The following LIMCH1 variants were observed in gnomAD, a reference collection of about 807,000 sequenced individuals.
LIMCH1 encodes the protein LIM and calponin homology domains 1, also known as LIM and calponin homology domains-containing protein 1.
Under a neutral mutation model 176.5 loss-of-function variants are expected in LIMCH1, and 113 were observed. The observed-to-expected ratio is 0.64, with a 90% CI of 0.55 to 0.75. The LOEUF (loss-of-function observed/expected upper bound fraction) is 0.75. Among genes scored for constraint, LIMCH1 ranks in the 30% least tolerant of loss-of-function variants. The probability of loss-of-function intolerance (pLI) is 0.00; values close to 1 mark genes in which losing one functional copy is unlikely to be tolerated. For missense variants in LIMCH1, 1,674 were observed against 1,814.9 expected (o/e 0.92, Z 1.41); for synonymous variants, 619 against 645.9 (o/e 0.96, Z 0.63).
At chr4:41,524,308 C>A in intron 2 of LIMCH1, 1 of 885,470 alleles carries the variant, frequency 1.1e-6, no homozygotes, top group Non-Finnish European at 1.9e-6. Flanking sequence ...AAATTCACTG[C>A]TTTTCCTATC....
At chr4:41,662,187 A>G (rs891164249) in intron 19 of LIMCH1, among the ~76,000 whole-genome samples, 3 of 152,206 alleles carry the variant, frequency 2.0e-5, no homozygotes, top group Non-Finnish European at 4.4e-5. Context: ...ACATTTTTAA[A>G]TAAATTAAAT....
intron 3 of LIMCH1, among the ~76,000 whole-genome samples, chr4:41,530,110 A>C (rs1017901522): frequency 6.6e-6 from 1 of 152,258 alleles, no homozygotes; most frequent in Non-Finnish European, 1.5e-5. Flanking sequence ...ACATCAGAAC[A>C]GTTGCCATTT....
At chr4:41,446,397 G>A (rs575454800) in intron 1 of LIMCH1, among the ~76,000 whole-genome samples, 2 of 152,318 alleles carry the variant, frequency 1.3e-5, no homozygotes, top group African/African-American at 4.8e-5. Context: ...AACCATTAGG[G>A]AAGGGAAAGA....
At chr4:41,451,540 C>T (rs2063883542) in intron 1 of LIMCH1, among the ~76,000 whole-genome samples, 1 of 152,204 alleles carries the variant, frequency 6.6e-6, no homozygotes, top group Admixed American at 6.5e-5. Context: ...TTTCCCACCC[C>T]CGGGACCTCT....
At chr4:41,687,268 A>T (rs994150244) in intron 28 of LIMCH1, among the ~76,000 whole-genome samples, 2 of 152,166 alleles carry the variant, frequency 1.3e-5, no homozygotes, top group Non-Finnish European at 2.9e-5. Context: ...GCTGGGGGCT[A>T]TTCTGACTTG....
At chr4:41,395,761 A>C (rs1027324734) in intron 1 of LIMCH1, among the ~76,000 whole-genome samples, 1 of 152,054 alleles carries the variant, frequency 6.6e-6, no homozygotes, top group Non-Finnish European at 1.5e-5. Flanking sequence ...AGCATCTACT[A>C]TATGTCAGGA....
At position 41,591,341 on chromosome 4, in the gene LIMCH1, A is replaced by C. The variant is rs138144353; in HGVS notation, c.-240-7579A>C. On this transcript the variant is annotated intron_variant, in intron 1 of 31. Coordinates refer to ENST00000503057, the MANE Select transcript of LIMCH1 (RefSeq NM_001330672.2). ...ACTGCAGCCTCTACCTCCTGGGCTCAGGTGATTCTCCCACCCCAGCCTCCT... is the reference window on the plus strand; with the variant it reads ...ACTGCAGCCTCTACCTCCTGGGCTCCGGTGATTCTCCCACCCCAGCCTCCT... Among the ~76,000 whole-genome samples, 958 of 152,200 alleles carry C rather than the reference A, an allele frequency of 6.3e-3. 15 individuals are homozygous for C. The highest frequency in any genetic ancestry group is 0.022 in the African/African-American group (909 of 41,530).
intron 4 of LIMCH1, among the ~76,000 whole-genome samples, chr4:41,608,997 C>T (rs1475368798): frequency 6.6e-6 from 1 of 152,098 alleles, no homozygotes; most frequent in African/African-American, 2.4e-5. Context: ...AATGCTGTCC[C>T]CTGGCCCCAG....
At chr4:41,435,997 C>G (rs978634734) in intron 1 of LIMCH1, among the ~76,000 whole-genome samples, 1 of 152,216 alleles carries the variant, frequency 6.6e-6, no homozygotes. Flanking sequence ...CAAGAAATAA[C>G]CAGTGTACCA....
chr4:41,596,836 A>G (rs1172170162), intron 1 of LIMCH1, among the ~76,000 whole-genome samples: 1 of 152,242 alleles, frequency 6.6e-6, no homozygotes, highest in African/African-American at 2.4e-5. Flanking sequence ...GTCAGCCTCC[A>G]AGAGGTCTTG....
chr4:41,384,780 G>A (rs1170120649), intron 1 of LIMCH1, among the ~76,000 whole-genome samples: 1 of 152,146 alleles, frequency 6.6e-6, no homozygotes, highest in African/African-American at 2.4e-5. Flanking sequence ...TATTCTGTAA[G>A]TACAGCGTTG....
chr4:41,678,278 A>AG (rs1447401700), intron 23 of LIMCH1, among the ~76,000 whole-genome samples: 2 of 150,426 alleles, frequency 1.3e-5, no homozygotes, highest in African/African-American at 4.9e-5. Context: ...CCCAGGGATG[A>AG]GGTGGTAGAC....
At chr4:41,400,317 A>T (rs1478563569) in intron 1 of LIMCH1, among the ~76,000 whole-genome samples, 2 of 152,136 alleles carry the variant, frequency 1.3e-5, no homozygotes, top group Non-Finnish European at 2.9e-5. Context: ...TACCTTGGAA[A>T]ATTTTTTACC....
chr4:41,472,344 C>G (rs1442886918), intron 1 of LIMCH1, among the ~76,000 whole-genome samples: 1 of 144,160 alleles, frequency 6.9e-6, no homozygotes, highest in African/African-American at 2.5e-5. Flanking sequence ...CTCCCTGCCT[C>G]CCTCCCTGCC....
chr4:41,565,384 T>TATACACACAC (rs2082611922), intron 1 of LIMCH1, among the ~76,000 whole-genome samples: 1 of 100,332 alleles, frequency 1.0e-5, no homozygotes, highest in African/African-American at 5.0e-5. Flanking sequence ...CACACACACA[T>TATACACACAC]ACACACACAC....
intron 1 of LIMCH1, among the ~76,000 whole-genome samples, chr4:41,493,607 A>C (rs2154175028): frequency 6.6e-6 from 1 of 152,310 alleles, no homozygotes; most frequent in South Asian, 2.1e-4. Flanking sequence ...CAAATACTAC[A>C]CATTTTTTAT....
chr4:41,517,096 A>G (rs918594106), intron 2 of LIMCH1, among the ~76,000 whole-genome samples: 7 of 152,218 alleles, frequency 4.6e-5, no homozygotes, highest in African/African-American at 1.7e-4. Context: ...TGCTTTAGGC[A>G]GTTATTTAGG....
chr4:41,621,159 G>C (rs1206969639), intron 7 of LIMCH1, among the ~76,000 whole-genome samples: 1 of 152,186 alleles, frequency 6.6e-6, no homozygotes, highest in African/African-American at 2.4e-5. Context: ...TTTGTCCCAA[G>C]AGAGTACTAA....
intron 1 of LIMCH1, among the ~76,000 whole-genome samples, chr4:41,396,050 TG>T (rs1018543798): frequency 6.6e-6 from 1 of 152,056 alleles, no homozygotes; most frequent in Non-Finnish European, 1.5e-5. Flanking sequence ...TCCCCGGTAA[TG>T]GGAACAACAA....
Sources: gnomAD v4.1 joint callset for allele counts (sites outside exome capture counted in the v4.1 genomes callset) on GRCh38, gnomAD v4.1.1 for gene constraint, MANE v1.5 for transcripts, NCBI Gene and HGNC (gene_info 2026-07-23, HGNC 2026-07-21) for gene names.